The following NME8 variants were observed in gnomAD, a reference collection of about 807,000 sequenced individuals.
NME8 encodes NME/NM23 family member 8, also known as protein NME8.
Under a neutral mutation model 82.3 loss-of-function variants are expected in NME8, and 72 were observed. The ratio of observed to expected loss-of-function variants is 0.87; its 90% confidence interval spans 0.72 to 1.06. The LOEUF (loss-of-function observed/expected upper bound fraction) is 1.06, where lower values mean the gene tolerates loss of function less well. Ranked by LOEUF, NME8 falls within the 50% of genes least tolerant of loss-of-function variation. The pLI, the probability that NME8 is intolerant of heterozygous loss-of-function variation, is 0.00. For synonymous variants in NME8, 267 were observed against 228.5 expected (o/e 1.17, Z -1.52); for missense variants, 712 against 685.4 (o/e 1.04, Z -0.43).
Position 37,876,971 on chromosome 7 carries a change from G to C in NME8, c.958G>C (p.Ala320Pro), listed in dbSNP as rs1784863442. The C allele has an allele frequency of 6.2e-7, 1 of 1,613,078 alleles. No homozygotes were observed. Among genetic ancestry groups the C allele is most frequent in the South Asian group, 1.1e-5 (1 of 91,054 alleles). The change falls in exon 12 of 18, where the codon GCA becomes CCA. Residue 320 changes from alanine (A) to proline (P), a missense_variant. Transcript: ENST00000199447. Reference sequence around the variant, plus strand: ...AAGCATGAAATTAGAAAAGACATTGGCATTACTTCGACCAAATCTCTTTCA... The same window carrying C: ...AAGCATGAAATTAGAAAAGACATTGCCATTACTTCGACCAAATCTCTTTCA... ...MKSMKLEKTLALLRPNLFHER... is the reference protein window; with the variant it reads ...MKSMKLEKTLPLLRPNLFHER...
At chr7:37,888,478 T>A (rs1183632834) in intron 15 of NME8, 50 bp downstream of exon 15, 1 of 1,553,478 alleles carries the variant, frequency 6.4e-7, no homozygotes, top group Non-Finnish European at 8.8e-7. Flanking sequence ...CCAAATTTTG[T>A]GAACATTTAA....
intron 5 of NME8, among the ~76,000 whole-genome samples, chr7:37,851,171 ATAT>A (rs1784433881): frequency 6.6e-6 from 1 of 152,192 alleles, no homozygotes; most frequent in African/African-American, 2.4e-5. Flanking sequence ...AGGGATTAAA[ATAT>A]TATAGCCAAA....
intron 10 of NME8, among the ~76,000 whole-genome samples, chr7:37,865,954 G>A (rs1449796865): frequency 6.6e-6 from 1 of 151,954 alleles, no homozygotes; most frequent in Non-Finnish European, 1.5e-5. Flanking sequence ...TGGGTTGAAG[G>A]CTCTGTCACC....
intron 7 of NME8, among the ~76,000 whole-genome samples, chr7:37,862,690 G>C (rs747729958): frequency 6.6e-6 from 1 of 151,802 alleles, no homozygotes; most frequent in Non-Finnish European, 1.5e-5. Flanking sequence ...CAAATTTGCT[G>C]AGAGTAATGG....
rs1583630017 is a variant in NME8, at chr7:37,863,317, T to C, written c.388-79T>C. 1.2e-5 allele frequency: 10 copies of C among 820,604 alleles called. No individual in the cohort carries two copies. In the East Asian group the frequency reaches 2.2e-4, roughly 18 times the overall value. The allele number at this position is 820,604 out of a possible 1,614,324, so 50.8% of individuals were successfully genotyped here. A position where few individuals can be genotyped will look rare whatever the true frequency, so the allele number is the denominator to read the frequency against. On this transcript the variant is annotated intron_variant, in intron 7 of 17. Transcript: ENST00000199447. ...TCTTAGACTATAAATATTTACTAGA[T>C]ACAAAATTTCTAAAAACCCACTCAC...
At chr7:37,899,154 T>C (rs1234468760) in intron 17 of NME8, among the ~76,000 whole-genome samples, 1 of 152,148 alleles carries the variant, frequency 6.6e-6, no homozygotes, top group Non-Finnish European at 1.5e-5. Flanking sequence ...GAACCAGAAA[T>C]ACCATTTGAC....
At chr7:37,854,413 A>G (rs1784481496) in intron 5 of NME8, among the ~76,000 whole-genome samples, 3 of 152,068 alleles carry the variant, frequency 2.0e-5, no homozygotes, top group Admixed American at 2.0e-4. Flanking sequence ...GAGGAAGTGG[A>G]AGGGGAGGCA....
At chr7:37,891,036 G>T (rs1278883305) in intron 15 of NME8, among the ~76,000 whole-genome samples, 1 of 151,780 alleles carries the variant, frequency 6.6e-6, no homozygotes, top group Non-Finnish European at 1.5e-5. Context: ...CTTTTTTCAT[G>T]TATCTGTTGG....
In NME8 at chr7:37,848,983, AT is replaced by A. The variant is rs1327393394; in HGVS notation, c.-78del. On this transcript the variant is annotated 5_prime_UTR_variant, in exon 2 of 18. An upstream open reading frame in the 5' UTR gains an earlier in-frame stop. Coordinates refer to ENST00000199447, the MANE Select transcript of NME8 (RefSeq NM_016616.5). ...TCAAACGGCCACAACGAGGGAGCCG[AT>A]TTAGATCCTCTGGGCCTGTTCCTTC... 1 of 152,300 alleles carries A rather than the reference AT, an allele frequency of 6.6e-6. No individual in the cohort carries two copies. Among genetic ancestry groups the A allele is most frequent in the Non-Finnish European group, 1.5e-5 (1 of 68,128 alleles). 9.4% of individuals were successfully genotyped at this position (152,300 alleles called of 1,614,324 possible).
At chr7:37,898,754 T>C (rs906676759) in intron 17 of NME8, among the ~76,000 whole-genome samples, 2 of 152,312 alleles carry the variant, frequency 1.3e-5, no homozygotes, top group Non-Finnish European at 2.9e-5. Context: ...AGAGTTTTCC[T>C]TTAAGTTGAC....
At chr7:37,854,575 G>C (rs1784484491) in intron 5 of NME8, among the ~76,000 whole-genome samples, 1 of 152,122 alleles carries the variant, frequency 6.6e-6, no homozygotes, top group Non-Finnish European at 1.5e-5. Context: ...ATCATAGAAG[G>C]GTCCATGTCA....
intron 9 of NME8, 21 bp from the exon 10 acceptor site, chr7:37,865,504 G>A (rs1243356138): frequency 1.3e-6 from 2 of 1,546,986 alleles, no homozygotes; most frequent in South Asian, 2.2e-5. Context: ...ACCTGGATTT[G>A]ACCTTACTCT....
intron 10 of NME8, 100 bp from the exon 11 acceptor site, chr7:37,867,602 C>T: frequency 1.2e-6 from 1 of 818,356 alleles, no homozygotes; most frequent in Non-Finnish European, 2.1e-6. Flanking sequence ...GCCCAGGGAC[C>T]ATGGAGAGGG....
At chr7:37,880,363 G>A (rs1480517836) in intron 12 of NME8, among the ~76,000 whole-genome samples, 1 of 152,114 alleles carries the variant, frequency 6.6e-6, no homozygotes, top group Non-Finnish European at 1.5e-5. Context: ...TCCATTTTGA[G>A]TTATTTTTAT....
At chr7:37,876,479 A>C (rs1157122438) in intron 11 of NME8, among the ~76,000 whole-genome samples, 1 of 152,024 alleles carries the variant, frequency 6.6e-6, no homozygotes, top group African/African-American at 2.4e-5. Flanking sequence ...GATAACCCTT[A>C]GTTCAAAGAC....
At chr7:37,850,995 TTC>T (rs1165111278) in intron 5 of NME8, among the ~76,000 whole-genome samples, 4 of 152,184 alleles carry the variant, frequency 2.6e-5, no homozygotes, top group East Asian at 1.9e-4. Context: ...ACATCTATTG[TTC>T]TGTTTCCTTT....
chr7:37,899,443 C>T (rs557351127), intron 17 of NME8, among the ~76,000 whole-genome samples: 5 of 152,100 alleles, frequency 3.3e-5, no homozygotes, highest in African/African-American at 7.2e-5. Context: ...AACCAAACAC[C>T]GCATGTTCTC....
chr7:37,898,362 A>G (rs1019649984), intron 17 of NME8, among the ~76,000 whole-genome samples: 1 of 152,182 alleles, frequency 6.6e-6, no homozygotes, highest in Admixed American at 6.5e-5. Context: ...CATCAGTTCT[A>G]TTCCTAGGTG....
chr7:37,884,604 G>T (rs1255929643), intron 13 of NME8, among the ~76,000 whole-genome samples, 157 bp downstream of exon 13: 1 of 152,100 alleles, frequency 6.6e-6, no homozygotes, highest in East Asian at 1.9e-4. Flanking sequence ...CCAATCCTCT[G>T]CTCACCTGCC....
Sources: gnomAD v4.1 joint callset for allele counts (sites outside exome capture counted in the v4.1 genomes callset) on GRCh38, gnomAD v4.1.1 for gene constraint, MANE v1.5 for transcripts, NCBI Gene and HGNC (gene_info 2026-07-23, HGNC 2026-07-21) for gene names.